HEATR5A: variants seen among roughly 807,000 people sequenced by gnomAD.
HEATR5A encodes HEAT repeat containing 5A, also known as HEAT repeat-containing protein 5A.
Under a neutral mutation model 218.8 loss-of-function variants are expected in HEATR5A, and 178 were observed. That is an observed-to-expected ratio of 0.81 (90% confidence interval 0.72 to 0.92). The LOEUF is 0.92. Among genes scored for constraint, HEATR5A ranks in the 40% least tolerant of loss-of-function variants. The pLI is 0.00. For missense variants in HEATR5A, 2,420 were observed against 2,418.9 expected (o/e 1.00, Z -0.01); for synonymous variants, 864 against 871.6 (o/e 0.99, Z 0.15).
Position 31,364,233 on chromosome 14 carries a change from C to G in HEATR5A, c.2027G>C (p.Arg676Thr). 6.4e-7 allele frequency: 1 copy of G among 1,555,488 alleles called. No homozygotes were observed. The highest frequency in any genetic ancestry group is 8.7e-7 in the Non-Finnish European group (1 of 1,146,504). The change falls in exon 14 of 36, where the codon AGA becomes ACA. Residue 676 changes from arginine to threonine, a missense_variant. Transcript: ENST00000543095. ...TAATAAAATCAACAGTTCATAAAGT[C>G]TTTGTCTATAAACCACTGACGGTGT... Reference protein sequence around the residue: ...LKTPSVVYRQRLYELLILLPP... With the variant: ...LKTPSVVYRQTLYELLILLPP...
chr14:31,387,763 T>C (rs1366412048), intron 7 of HEATR5A, among the ~76,000 whole-genome samples: 2 of 152,202 alleles, frequency 1.3e-5, no homozygotes, highest in African/African-American at 4.8e-5. Flanking sequence ...GGTTTCACCA[T>C]GTTACCCAGG....
At position 31,326,214 on chromosome 14, in the gene HEATR5A, T is replaced by C. The variant is rs1900260651; in HGVS notation, c.3496A>G (p.Lys1166Glu). The C allele has an allele frequency of 1.2e-6, 2 of 1,613,410 alleles. No individual in the cohort carries two copies. Among genetic ancestry groups the C allele is most frequent in the South Asian group, 1.1e-5 (1 of 91,078 alleles). The change falls in exon 23 of 36, where the codon AAA (lysine) becomes GAA (glutamate). Residue 1166 changes from lysine to glutamate, a missense_variant. Lys to Glu is a moderately conservative substitution (Grantham distance 56, BLOSUM62 1). Transcript: ENST00000543095. Reference sequence around the variant, plus strand: ...CAAAGCTTTAACCACAGGGAGAGTTTTTCCACTGCCATAGATGTAAGCATA... The same window carrying C: ...CAAAGCTTTAACCACAGGGAGAGTTCTTCCACTGCCATAGATGTAAGCATA... ...NYMLTSMAVEKLSLWLKLCKD... is the reference protein window; with the variant it reads ...NYMLTSMAVEELSLWLKLCKD...
Position 31,345,895 on chromosome 14 carries a change from C to T in HEATR5A, c.2869-619G>A, listed in dbSNP as rs568138785. Among the ~76,000 whole-genome samples, 39 of 143,350 alleles carry T rather than the reference C, an allele frequency of 2.7e-4. No individual in the cohort carries two copies. In the South Asian group the frequency reaches 6.3e-3, roughly 23 times the overall value. The allele number at this position is 143,350 out of a possible 152,430, so 94.0% of individuals were successfully genotyped here. On this transcript the variant is annotated intron_variant, in intron 19 of 35. Coordinates refer to ENST00000543095, the MANE Select transcript of HEATR5A (RefSeq NM_015473.4). ...TAGATATGTGCATTTATGGCAGGTG[C>T]GCACACACATGCACACACGCACACA...
chr14:31,347,864 A>C lies in HEATR5A; in HGVS notation c.2752T>G (p.Leu918Val). The change falls in exon 19 of 36, where the codon TTG becomes GTG. Residue 918 changes from leucine (L) to valine (V), a missense_variant. Physicochemically the swap from Leu to Val is conservative, Grantham distance 32 (BLOSUM62 1). Transcript: ENST00000543095. ...TACCTATGTAGGGACCCCAAGGCCA[A>C]TGAGTGTCCTGTTCTGGTAACCACA... ...RDVVTRTGHS[L>V]ALGSLHRYLG... 6.3e-7 allele frequency: 1 copy of C among 1,577,594 alleles called. No individual in the cohort carries two copies. Among genetic ancestry groups the C allele is most frequent in the Non-Finnish European group, 8.6e-7 (1 of 1,161,690 alleles).
Position 31,389,016 on chromosome 14 carries a change from G to C in HEATR5A, c.773-11C>G. 2 of 1,589,154 alleles carry C rather than the reference G, an allele frequency of 1.3e-6. No individual in the cohort carries two copies. The highest frequency in any genetic ancestry group is 1.7e-6 in the Non-Finnish European group (2 of 1,165,748). ...TTTGACGTGAGGCTGCTATGACAAA[G>C]AACAAAACTGTGATTCATATTTTAC... is the stretch of plus-strand genomic sequence containing the variant. On this transcript the variant is annotated splice_polypyrimidine_tract_variant and intron_variant, in intron 6 of 35. Transcript: ENST00000543095.
At chr14:31,399,456 CAA>C (rs760236608) in intron 3 of HEATR5A, among the ~76,000 whole-genome samples, 2 of 152,134 alleles carry the variant, frequency 1.3e-5, no homozygotes, top group Non-Finnish European at 2.9e-5. Context: ...ATGTTCTCAT[CAA>C]GTTTGAAATC....
intron 22 of HEATR5A, among the ~76,000 whole-genome samples, chr14:31,330,772 CAG>C (rs1900438450): frequency 6.6e-6 from 1 of 151,466 alleles, no homozygotes; most frequent in Non-Finnish European, 1.5e-5. Flanking sequence ...GCCTGGGCGA[CAG>C]AGTGAGACTC....
chr14:31,355,907 T>C (rs907443039), intron 16 of HEATR5A, among the ~76,000 whole-genome samples: 1 of 152,190 alleles, frequency 6.6e-6, no homozygotes, highest in Non-Finnish European at 1.5e-5. Context: ...ACGTAAGTAT[T>C]ATTTCCAACC....
chr14:31,313,256 A>G (rs1899813914), intron 27 of HEATR5A, 66 bp from the exon 28 acceptor site: 4 of 1,240,772 alleles, frequency 3.2e-6, no homozygotes, highest in Non-Finnish European at 3.5e-6. Flanking sequence ...TAAAATTTTT[A>G]TATCTTCCTG....
At position 31,293,119 on chromosome 14, in the gene HEATR5A, AAC is replaced by A; in HGVS notation, c.*184_*185del. The A allele has an allele frequency of 2.1e-6, 1 of 469,170 alleles. No individual in the cohort carries two copies. The highest frequency in any genetic ancestry group is 3.7e-6 in the Non-Finnish European group (1 of 270,518). The allele number at this position is 469,170 out of a possible 1,614,324, so 29.1% of individuals were successfully genotyped here. ...TAAATAGAAAAACAAAACAAAACAA[AAC>A]ACAAACCCCACGCACACACACAAAA... is the stretch of plus-strand genomic sequence containing the variant. On this transcript the variant is annotated 3_prime_UTR_variant, in exon 36 of 36. Transcript: ENST00000543095.
At chr14:31,335,830 T>A (rs1282122413) in intron 22 of HEATR5A, among the ~76,000 whole-genome samples, 2 of 152,088 alleles carry the variant, frequency 1.3e-5, no homozygotes, top group African/African-American at 4.8e-5. Context: ...ATTTTTTATA[T>A]TTTTAGTAGA....
At chr14:31,320,565 G>T in intron 25 of HEATR5A, 1 of 853,676 alleles carries the variant, frequency 1.2e-6, no homozygotes, top group South Asian at 1.3e-5. Flanking sequence ...GCAGACACAG[G>T]CCTGATTAGA....
Position 31,380,710 on chromosome 14 carries a change from T to C in HEATR5A, c.1597-132A>G, listed in dbSNP as rs964339532. On this transcript the variant is annotated intron_variant, in intron 10 of 35. Coordinates refer to ENST00000543095, the MANE Select transcript of HEATR5A (RefSeq NM_015473.4). ...GTAAACGATAAAGAACTGTCATTCGTGTAGACTACATAATAGGACTGTCAT... is the reference window on the plus strand; with the variant it reads ...GTAAACGATAAAGAACTGTCATTCGCGTAGACTACATAATAGGACTGTCAT... The C allele has an allele frequency of 4.6e-6, 3 of 648,084 alleles. No homozygotes were observed. In the Admixed American group the frequency reaches 8.1e-5, roughly 17 times the overall value. The allele number at this position is 648,084 out of a possible 1,614,324, so 40.1% of individuals were successfully genotyped here.
Position 31,294,027 on chromosome 14 carries a change from G to T in HEATR5A, c.5697C>A (p.Tyr1899Ter). 1 of 1,604,476 alleles carries T rather than the reference G, an allele frequency of 6.2e-7. No individual in the cohort carries two copies. The highest frequency in any genetic ancestry group is 1.3e-5 in the African/African-American group (1 of 74,946). Residue 1899 changes from tyrosine (Y) to a stop codon, truncating the protein, a stop_gained, in exon 35 of 36, where the codon TAC becomes TAA. Coordinates refer to ENST00000543095, the MANE Select transcript of HEATR5A (RefSeq NM_015473.4). LOFTEE classifies it high-confidence loss of function. ...TTTCCATGATACAGGATGCTAAAGAGTAAATGTATGGGTAGGAAACAGCTG... is the reference window on the plus strand; with the variant it reads ...TTTCCATGATACAGGATGCTAAAGATTAAATGTATGGGTAGGAAACAGCTG... ...PNPAVSYPYI[Y>*]SLASCIMEKL...
Position 31,350,760 on chromosome 14 carries a change from T to TTTTGTTTG in HEATR5A, c.2412-51_2412-44dup, listed in dbSNP as rs10602248. The stretch of plus-strand genomic sequence containing the variant: ...AGGATTTAAAAGCAAGTAGGTAAGT[T>TTTTGTTTG]TTTGTTTGTTTGTTTGTTTGTTTGT... On this transcript the variant is annotated intron_variant, in intron 16 of 35. Transcript: ENST00000543095. 499 of 681,234 alleles carry TTTTGTTTG rather than the reference T, an allele frequency of 7.3e-4. 2 individuals are homozygous for TTTTGTTTG. In the African/African-American group the frequency reaches 7.4e-3, roughly 10 times the overall value. The allele number at this position is 681,234 out of a possible 1,614,324, so 42.2% of individuals were successfully genotyped here. A position where few individuals can be genotyped will look rare whatever the true frequency, so the allele number is the denominator to read the frequency against.
Position 31,318,236 on chromosome 14 carries a change from G to C in HEATR5A, c.4026C>G (p.Ala1342=). The C allele has an allele frequency of 6.2e-7, 1 of 1,613,412 alleles. No individual in the cohort carries two copies. The highest frequency in any genetic ancestry group is 1.1e-5 in the South Asian group (1 of 91,052). Residue 1342 remains alanine (A), a synonymous_variant, in exon 26 of 36, where the codon GCC becomes GCG. Transcript: ENST00000543095. ...TTTAACCATTTACCTGACATGCTTT[G>C]GCAGTGACATCAGGTGGTGTCTCTG... ...FTSETPPDVT[A]KACQVCSAWI...
chr14:31,345,345 GT>G, intron 19 of HEATR5A, 69 bp from the exon 20 acceptor site: 1 of 1,235,088 alleles, frequency 8.1e-7, no homozygotes, highest in Non-Finnish European at 1.1e-6. Context: ...AAATTAACTT[GT>G]TCTTTTGTTG....
chr14:31,355,283 G>A (rs573572395), intron 16 of HEATR5A, among the ~76,000 whole-genome samples: 4 of 152,128 alleles, frequency 2.6e-5, no homozygotes, highest in South Asian at 2.1e-4. Flanking sequence ...GCATGGTGGC[G>A]TGTGCTGTAG....
intron 25 of HEATR5A, among the ~76,000 whole-genome samples, chr14:31,319,399 T>G (rs1160194855): frequency 6.6e-6 from 1 of 151,990 alleles, no homozygotes; most frequent in African/African-American, 2.4e-5. Flanking sequence ...GTGATCCGCC[T>G]ACCTCGGCCT....
Sources: gnomAD v4.1 joint callset for allele counts (sites outside exome capture counted in the v4.1 genomes callset) on GRCh38, gnomAD v4.1.1 for gene constraint, MANE v1.5 for transcripts, NCBI Gene and HGNC (gene_info 2026-07-23, HGNC 2026-07-21) for gene names.